The following GRIK4 variants were observed in gnomAD, a reference collection of about 807,000 sequenced individuals.
GRIK4 encodes the protein glutamate receptor ionotropic, kainate 4.
GRIK4 carries 40 observed loss-of-function variants against 104.9 expected under a neutral mutation model. The observed-to-expected ratio is 0.38, with a 90% confidence interval of 0.30 to 0.50. GRIK4 has a LOEUF of 0.50. Ranked by LOEUF, GRIK4 falls within the 20% of genes least tolerant of loss-of-function variation. The pLI is 0.93. For missense variants in GRIK4, 1,047 were observed against 1,308.1 expected (o/e 0.80, Z 3.08); for synonymous variants, 485 against 524.9 (o/e 0.92, Z 1.04).
chr11:120,845,257 C>A (rs1399538368), intron 8 of GRIK4, among the ~76,000 whole-genome samples: 1 of 152,174 alleles, frequency 6.6e-6, no homozygotes, highest in African/African-American at 2.4e-5. Flanking sequence ...CCTATCTGGG[C>A]CCTGCCGTAC....
At chr11:120,787,847 C>CTTCTTTT (rs1565352273) in intron 3 of GRIK4, among the ~76,000 whole-genome samples, 7 of 55,602 alleles carry the variant, frequency 1.3e-4, no homozygotes, top group African/African-American at 4.8e-4. Flanking sequence ...TTTTTCTTTT[C>CTTCTTTT]TTTTCTTTTT....
intron 1 of GRIK4, among the ~76,000 whole-genome samples, chr11:120,534,030 A>G (rs186843851): frequency 6.6e-6 from 1 of 152,362 alleles, no homozygotes; most frequent in Admixed American, 6.5e-5. Flanking sequence ...GCCCTGACAC[A>G]GGCTGGAGGC....
At chr11:120,781,622 G>A (rs1331194292) in intron 3 of GRIK4, among the ~76,000 whole-genome samples, 1 of 152,214 alleles carries the variant, frequency 6.6e-6, no homozygotes, top group African/African-American at 2.4e-5. Context: ...AAAGTGCTGA[G>A]ATTGCAGGCA....
At chr11:120,864,472 CTTCGTGAT>C (rs1954351355) in intron 9 of GRIK4, among the ~76,000 whole-genome samples, 1 of 152,230 alleles carries the variant, frequency 6.6e-6, no homozygotes, top group South Asian at 2.1e-4. Flanking sequence ...GATCTCCTGA[CTTCGTGAT>C]CCGCCCGCCT....
chr11:120,940,441 T>A lies in GRIK4; in HGVS notation c.1571T>A (p.Ile524Asn), dbSNP rs1289015285. 6.2e-7 allele frequency: 1 copy of A among 1,602,716 alleles called. No homozygotes were observed. The highest frequency in any genetic ancestry group is 8.5e-7 in the Non-Finnish European group (1 of 1,169,702). Reference sequence around the variant, plus strand: ...CCATTCATGACTCTGGGAATTAGCATTCTTTACCGCGTTCATATGGTAAGA... The same window carrying A: ...CCATTCATGACTCTGGGAATTAGCAATCTTTACCGCGTTCATATGGTAAGA... ...SKPFMTLGIS[I>N]LYRVHMGRKP... Residue 524 changes from isoleucine to asparagine, a missense_variant, in exon 14 of 21, where the codon ATT (isoleucine) becomes AAT (asparagine). By Grantham distance (149) the Ile-to-Asn change is moderately radical. Coordinates refer to ENST00000527524, the MANE Select transcript of GRIK4 (RefSeq NM_014619.5). This position sits in a 1 kb window ranked among gnomAD's most constrained non-coding sequence, Gnocchi z 4.3.
chr11:120,677,484 C>G (rs944651741), intron 3 of GRIK4, among the ~76,000 whole-genome samples: 2 of 152,170 alleles, frequency 1.3e-5, no homozygotes, highest in Admixed American at 1.3e-4. Context: ...GGATCTGAAG[C>G]TGGTCCTGCC....
intron 1 of GRIK4, among the ~76,000 whole-genome samples, chr11:120,568,988 T>C (rs1948364636): frequency 2.6e-5 from 4 of 152,242 alleles, no homozygotes; most frequent in Admixed American, 2.6e-4. Flanking sequence ...CCCAAAATAT[T>C]TTTCAAGTGA....
intron 3 of GRIK4, among the ~76,000 whole-genome samples, chr11:120,722,257 A>G (rs1366361039): frequency 1.3e-5 from 2 of 152,148 alleles, no homozygotes; most frequent in African/African-American, 4.8e-5. Flanking sequence ...AAAACTTCCA[A>G]TTTGATTCTA....
In GRIK4 at chr11:120,987,792, GACCTTTGCTTGGCTTCAC is replaced by G. The variant is rs1300859670; in HGVS notation, c.*1533_*1550del. On this transcript the variant is annotated 3_prime_UTR_variant, in exon 21 of 21. Transcript: ENST00000527524. The stretch of plus-strand genomic sequence containing the variant: ...GGGGCGAGGCTTTCTACAGCTGCTT[GACCTTTGCTTGGCTTCAC>G]TAATTGGGAGTTTCACGCAGAGTTC... 4 of 152,238 alleles carry G rather than the reference GACCTTTGCTTGGCTTCAC, an allele frequency of 2.6e-5. No homozygotes were observed. Among genetic ancestry groups the G allele is most frequent in the Admixed American group, 6.5e-5 (1 of 15,278 alleles). 9.4% of individuals were successfully genotyped at this position (152,238 alleles called of 1,614,324 possible).
intron 1 of GRIK4, among the ~76,000 whole-genome samples, chr11:120,599,012 G>A (rs1591726115): frequency 6.6e-6 from 1 of 152,298 alleles, no homozygotes; most frequent in Admixed American, 6.5e-5. Flanking sequence ...AAGGCTTTGT[G>A]GTCATTCTGC....
chr11:120,892,968 A>C lies in GRIK4; in HGVS notation c.1165-5564A>C, dbSNP rs1038390909. Among the ~76,000 whole-genome samples the C allele has an allele frequency of 2.0e-5, 3 of 152,368 alleles. No homozygotes were observed. In the East Asian group the frequency reaches 5.8e-4, roughly 29 times the overall value. On this transcript the variant is annotated intron_variant, in intron 11 of 20. Coordinates refer to ENST00000527524, the MANE Select transcript of GRIK4 (RefSeq NM_014619.5). ...AGTGATGGCTCACAGTGAGAAAAGA[A>C]ACAGACACTACGAGAAAGCAGACAA...
Position 120,698,812 on chromosome 11 carries a change from T to A in GRIK4, c.82+38412T>A, listed in dbSNP as rs543893374. 2.0e-5 allele frequency among the ~76,000 whole-genome samples: 3 copies of A among 152,286 alleles called. No individual in the cohort carries two copies. In the South Asian group the frequency reaches 6.2e-4, roughly 32 times the overall value. ...GGCTCCACCACCCAGCAGGGAGGCATAACACAGATCTTAGGAGCCCAGTTA... is the reference window on the plus strand; with the variant it reads ...GGCTCCACCACCCAGCAGGGAGGCAAAACACAGATCTTAGGAGCCCAGTTA... On this transcript the variant is annotated intron_variant, in intron 3 of 20. Transcript: ENST00000527524.
At chr11:120,907,768 G>A (rs1942901283) in intron 13 of GRIK4, among the ~76,000 whole-genome samples, 1 of 151,952 alleles carries the variant, frequency 6.6e-6, no homozygotes, top group Non-Finnish European at 1.5e-5. Flanking sequence ...GGCGCACAAT[G>A]GGGCTGTAGG....
intron 11 of GRIK4, among the ~76,000 whole-genome samples, chr11:120,895,409 C>T (rs1017478152): frequency 2.3e-4 from 35 of 152,142 alleles, no homozygotes; most frequent in Non-Finnish European, 1.3e-4. Context: ...CCTAGGAGTC[C>T]ATTGGGAGCC....
chr11:120,783,130 C>A (rs1235140276), intron 3 of GRIK4, among the ~76,000 whole-genome samples: 1 of 152,200 alleles, frequency 6.6e-6, no homozygotes, highest in Non-Finnish European at 1.5e-5. Flanking sequence ...GACAGCAGCC[C>A]CCCCACAGAG....
At chr11:120,718,746 G>A (rs1950880963) in intron 3 of GRIK4, among the ~76,000 whole-genome samples, 1 of 152,240 alleles carries the variant, frequency 6.6e-6, no homozygotes, top group African/African-American at 2.4e-5. Flanking sequence ...CCTGGCCGCT[G>A]TTGCCTGTGC....
At chr11:120,735,581 A>G (rs2852232) in intron 3 of GRIK4, among the ~76,000 whole-genome samples, 54,341 of 151,782 alleles carry the variant, frequency 0.36, 10,272 homozygotes, top group Middle Eastern at 0.51. Context: ...GGGCTCTACA[A>G]TCAGCAGGTA....
chr11:120,849,946 G>A (rs1953937238), intron 8 of GRIK4, among the ~76,000 whole-genome samples: 1 of 152,192 alleles, frequency 6.6e-6, no homozygotes, highest in South Asian at 2.1e-4. Flanking sequence ...TGGAGCACAA[G>A]GTCCCCCTGC....
Position 120,938,750 on chromosome 11 carries a change from T to C in GRIK4, c.1477-1597T>C, listed in dbSNP as rs188071238. ...GACCAGCATTAGAAAATGTCAATCATTGTAGGCTCGTCTGAGATACAGCGC... is the reference window on the plus strand; with the variant it reads ...GACCAGCATTAGAAAATGTCAATCACTGTAGGCTCGTCTGAGATACAGCGC... On this transcript the variant is annotated intron_variant, in intron 13 of 20. Transcript: ENST00000527524. Among the ~76,000 whole-genome samples the C allele has an allele frequency of 7.9e-5, 12 of 152,362 alleles. No individual in the cohort carries two copies. In the East Asian group the frequency reaches 1.7e-3, roughly 22 times the overall value.
Sources: gnomAD v4.1 joint callset for allele counts (sites outside exome capture counted in the v4.1 genomes callset) on GRCh38, gnomAD v4.1.1 for gene constraint, Gnocchi (gnomAD v3.1) non-coding constraint, MANE v1.5 for transcripts, NCBI Gene and HGNC (gene_info 2026-07-23, HGNC 2026-07-21) for gene names.